The following HMGA2 variants were observed in gnomAD, a reference collection of about 807,000 sequenced individuals.
HMGA2 encodes the protein high mobility group protein HMGI-C.
HMGA2 carries 8 observed loss-of-function variants against 19.1 expected under a neutral mutation model. The ratio of observed to expected loss-of-function variants is 0.42; its 90% CI spans 0.25 to 0.76. HMGA2 has a LOEUF of 0.76. Among genes scored for constraint, HMGA2 ranks in the 30% least tolerant of loss-of-function variants. HMGA2 has a pLI of 0.28. For missense variants in HMGA2, 109 were observed against 136.3 expected (o/e 0.80, Z 1.00); for synonymous variants, 60 against 48.8 (o/e 1.23, Z -0.96).
At chr12:65,915,296 T>G in intron 3 of HMGA2, 1 of 1,439,396 alleles carries the variant, frequency 6.9e-7, no homozygotes, top group South Asian at 1.4e-5. Context: ...TGTTTCCAAC[T>G]GAAGTCTGCA....
chr12:65,850,058 T>C (rs1288968850), intron 3 of HMGA2, among the ~76,000 whole-genome samples: 4 of 152,142 alleles, frequency 2.6e-5, no homozygotes, highest in African/African-American at 9.7e-5. Flanking sequence ...CTATTGGTGG[T>C]TGAATTTTTT....
At chr12:65,947,227 C>A (rs940670278) in intron 3 of HMGA2, among the ~76,000 whole-genome samples, 2 of 152,038 alleles carry the variant, frequency 1.3e-5, no homozygotes, top group African/African-American at 4.8e-5. Flanking sequence ...TCAAGCAATC[C>A]TCCCACCTCA....
chr12:65,904,441 T>C (rs1289422883), intron 3 of HMGA2, among the ~76,000 whole-genome samples: 1 of 152,178 alleles, frequency 6.6e-6, no homozygotes, highest in Non-Finnish European at 1.5e-5. Flanking sequence ...GCATTCAGAA[T>C]CAAGACAGTG....
chr12:65,866,306 A>T (rs1872408375), intron 3 of HMGA2, among the ~76,000 whole-genome samples: 2 of 152,282 alleles, frequency 1.3e-5, no homozygotes, highest in South Asian at 4.1e-4. Context: ...AAAAATACAG[A>T]TGATGATTTC....
intron 3 of HMGA2, among the ~76,000 whole-genome samples, chr12:65,863,181 A>G (rs546148856): frequency 3.3e-5 from 5 of 152,208 alleles, no homozygotes; most frequent in Admixed American, 6.5e-5. Flanking sequence ...ACTCATATCT[A>G]GTGACACCCC....
chr12:65,891,248 C>A (rs1255668787), intron 3 of HMGA2, among the ~76,000 whole-genome samples: 1 of 152,116 alleles, frequency 6.6e-6, no homozygotes, highest in Non-Finnish European at 1.5e-5. Flanking sequence ...ATTTCATGAT[C>A]CATTTCTGTT....
At chr12:65,941,955 T>C (rs1196326650) in intron 3 of HMGA2, among the ~76,000 whole-genome samples, 2 of 152,234 alleles carry the variant, frequency 1.3e-5, no homozygotes, top group African/African-American at 2.4e-5. Flanking sequence ...GTGTATCTAG[T>C]TCAAGTCCTG....
intron 3 of HMGA2, among the ~76,000 whole-genome samples, chr12:65,874,843 T>G (rs535584492): frequency 6.6e-6 from 1 of 152,354 alleles, no homozygotes; most frequent in Non-Finnish European, 1.5e-5. Flanking sequence ...CTTTTCCAGT[T>G]TGGTGCTCCA....
intron 4 of HMGA2, among the ~76,000 whole-genome samples, chr12:65,961,521 T>C (rs1416207024): frequency 6.6e-6 from 1 of 152,182 alleles, no homozygotes; most frequent in African/African-American, 2.4e-5. Context: ...GTTCCACTTT[T>C]CCCACAAAAC....
At position 65,927,908 on chromosome 12, in the gene HMGA2, TATATACATAC is replaced by T. The variant is rs1281533822; in HGVS notation, c.250-23470_250-23461del. 8.8e-5 allele frequency among the ~76,000 whole-genome samples: 13 copies of T among 148,106 alleles called. No individual in the cohort carries two copies. The South Asian group carries it at 1.5e-3, about 17-fold the overall frequency. ...TAAAATATGTATGTATATATGTATG[TATATACATAC>T]ATATTTCTGTCACCCAAAATATGTA... On this transcript the variant is annotated intron_variant, in intron 3 of 4. Transcript: ENST00000403681.
At chr12:65,887,661 T>G (rs534366926) in intron 3 of HMGA2, among the ~76,000 whole-genome samples, 1 of 152,182 alleles carries the variant, frequency 6.6e-6, no homozygotes, top group African/African-American at 2.4e-5. Context: ...AGGCAGAGAT[T>G]GCAGTGAGCC....
chr12:65,841,282 C>A (rs1467579756), intron 3 of HMGA2, among the ~76,000 whole-genome samples: 2 of 152,116 alleles, frequency 1.3e-5, no homozygotes, highest in South Asian at 4.1e-4. Context: ...CTGAGAATAG[C>A]TGGGCCATTT....
intron 3 of HMGA2, among the ~76,000 whole-genome samples, chr12:65,901,316 C>T (rs193248916): frequency 3.5e-4 from 54 of 152,224 alleles, no homozygotes; most frequent in Middle Eastern, 3.4e-3. Context: ...AACTATCATC[C>T]GGTTTAACAA....
intron 3 of HMGA2, chr12:65,881,534 A>G (rs147146442): frequency 5.6e-5 from 33 of 584,686 alleles, no homozygotes; most frequent in African/African-American, 5.6e-4. Flanking sequence ...CCACTCCAAC[A>G]AATCCTCCTG....
chr12:65,851,404 A>T (rs1871456833), intron 3 of HMGA2: 1 of 194,228 alleles, frequency 5.1e-6, no homozygotes, highest in Non-Finnish European at 1.1e-5. Context: ...AATCCTAGCT[A>T]CTTGGGAGGC....
At chr12:65,911,109 T>C (rs1874825027) in intron 3 of HMGA2, among the ~76,000 whole-genome samples, 1 of 152,232 alleles carries the variant, frequency 6.6e-6, no homozygotes, top group African/African-American at 2.4e-5. Flanking sequence ...GCTTAAAAGC[T>C]GATATCGAAC....
At chr12:65,864,378 A>G (rs960503881) in intron 3 of HMGA2, among the ~76,000 whole-genome samples, 1 of 152,232 alleles carries the variant, frequency 6.6e-6, no homozygotes, top group African/African-American at 2.4e-5. Flanking sequence ...TATAAATTTA[A>G]TTGAGTAGTG....
At chr12:65,843,002 G>C in intron 3 of HMGA2, 1 of 441,566 alleles carries the variant, frequency 2.3e-6, no homozygotes, top group East Asian at 5.5e-5. Context: ...AAATAATGAA[G>C]ACTACATCAA....
At chr12:65,884,637 T>C (rs1873581154) in intron 3 of HMGA2, among the ~76,000 whole-genome samples, 2 of 152,248 alleles carry the variant, frequency 1.3e-5, no homozygotes. Context: ...CATTATTTAC[T>C]AAGTGAAATT....
Sources: allele counts gnomAD v4.1 joint callset (sites outside exome capture counted in the v4.1 genomes callset), GRCh38; gene constraint gnomAD v4.1.1; transcripts MANE v1.5; gene names NCBI Gene and HGNC (gene_info 2026-07-23, HGNC 2026-07-21).